The following GLI4 variants were observed in gnomAD, a reference collection of about 807,000 sequenced individuals.
GLI4 encodes GLI family zinc finger 4, also known as zinc finger protein GLI4.
GLI4 carries 34 observed loss-of-function variants against 30.9 expected under a neutral mutation model. The observed-to-expected ratio is 1.10, with a 90% CI of 0.84 to 1.47. The LOEUF is 1.47. Ranked by LOEUF, GLI4 falls within the 40% of genes most tolerant of loss-of-function variation. GLI4 has a pLI of 0.00. For synonymous variants in GLI4, 277 were observed against 236.7 expected (o/e 1.17, Z -1.56); for missense variants, 696 against 538.9 (o/e 1.29, Z -2.89).
chr8:143,275,210 C>A, intron 3 of GLI4: 1 of 1,535,462 alleles, frequency 6.5e-7, no homozygotes, highest in South Asian at 1.2e-5. Context: ...CTCCCCTCAG[C>A]CTGGTTGGAG....
chr8:143,271,572 A>T (rs975799214), intron 2 of GLI4, among the ~76,000 whole-genome samples: 1 of 152,166 alleles, frequency 6.6e-6, no homozygotes, highest in Non-Finnish European at 1.5e-5. Context: ...TCAAGACAGG[A>T]CTTGGAGCCG....
chr8:143,268,222 C>T (rs937384275), intron 1 of GLI4: 9 of 384,844 alleles, frequency 2.3e-5, no homozygotes, highest in Admixed American at 1.3e-4. Flanking sequence ...AAGCCGGGCA[C>T]TGGGGTGGCG....
At chr8:143,269,688 C>T (rs758887197) in intron 2 of GLI4, among the ~76,000 whole-genome samples, 168 bp downstream of exon 2, 6 of 152,208 alleles carry the variant, frequency 3.9e-5, no homozygotes, top group African/African-American at 7.2e-5. Context: ...GCCAGGGGCT[C>T]GGCGCGGGTT....
chr8:143,276,440 A>C lies in GLI4; in HGVS notation c.767A>C (p.Gln256Pro), dbSNP rs1286817572. ...RAFSHSSHFT[Q>P]HLRIHNGEKP... ...TTCAGCCACAGCTCGCACTTCACGCAGCACCTGCGCATCCACAACGGCGAG... is the reference window on the plus strand; with the variant it reads ...TTCAGCCACAGCTCGCACTTCACGCCGCACCTGCGCATCCACAACGGCGAG... The change falls in exon 4 of 4, where the codon CAG becomes CCG. Residue 256 changes from glutamine to proline, a missense_variant. Gln to Pro is a moderately conservative substitution (Grantham distance 76). Transcript: ENST00000340042. 1 of 1,612,210 alleles carries C rather than the reference A, an allele frequency of 6.2e-7. No individual in the cohort carries two copies. The highest frequency in any genetic ancestry group is 1.1e-5 in the South Asian group (1 of 91,028).
Position 143,276,764 on chromosome 8 carries a change from C to A in GLI4, c.1091C>A (p.Ser364Tyr). 1 of 1,599,730 alleles carries A rather than the reference C, an allele frequency of 6.3e-7. No individual in the cohort carries two copies. The highest frequency in any genetic ancestry group is 8.5e-7 in the Non-Finnish European group (1 of 1,173,872). The change falls in exon 4 of 4, where the codon TCC becomes TAC. Residue 364 changes from serine (S) to tyrosine (Y), a missense_variant. Ser to Tyr is a moderately radical substitution (Grantham distance 144). Coordinates refer to ENST00000340042, the MANE Select transcript of GLI4 (RefSeq NM_138465.4). ...TGCGGCAAGGCCTTCGGCCAGAGCT[C>A]CCAGCTCATCCAGCACCAGCGGGTG... is the stretch of plus-strand genomic sequence containing the variant. Reference protein sequence around the residue: ...GACGKAFGQSSQLIQHQRVHY... With the variant: ...GACGKAFGQSYQLIQHQRVHY...
intron 3 of GLI4, 107 bp downstream of exon 3, chr8:143,274,909 T>C: frequency 2.0e-6 from 3 of 1,482,798 alleles, no homozygotes; most frequent in Non-Finnish European, 2.7e-6. Flanking sequence ...ACCCCCTTCC[T>C]GGGGCCCCTT....
In GLI4 at chr8:143,276,544, G is replaced by T. The variant is rs776047807; in HGVS notation, c.871G>T (p.Gly291Cys). ...NLVRHQRLHT[G>C]EKPYACSQCG... ...GGTGCGCCACCAGCGGCTGCACACG[G>T]GTGAGAAGCCCTACGCCTGCAGCCA... The change falls in exon 4 of 4, where the codon GGT becomes TGT. Residue 291 changes from glycine (G) to cysteine (C), a missense_variant. Physicochemically the swap from Gly to Cys is radical, Grantham distance 159 (BLOSUM62 -3). Coordinates refer to ENST00000340042, the MANE Select transcript of GLI4 (RefSeq NM_138465.4). 1 of 1,612,520 alleles carries T rather than the reference G, an allele frequency of 6.2e-7. No individual in the cohort carries two copies. Among genetic ancestry groups the T allele is most frequent in the Non-Finnish European group, 8.5e-7 (1 of 1,179,760 alleles).
chr8:143,275,967 G>A lies in GLI4; in HGVS notation c.294G>A (p.Gly98=). The A allele has an allele frequency of 7.5e-7, 1 of 1,335,940 alleles. No individual in the cohort carries two copies. Among genetic ancestry groups the A allele is most frequent in the Non-Finnish European group, 9.6e-7 (1 of 1,043,382 alleles). The allele number at this position is 1,335,940 out of a possible 1,614,324, so 82.8% of individuals were successfully genotyped here. Residue 98 remains glycine, a synonymous_variant, in exon 4 of 4, where the codon GGG becomes GGA. Coordinates refer to ENST00000340042, the MANE Select transcript of GLI4 (RefSeq NM_138465.4). ...GSQAPDEGAG[G]ALRSLLRSLP... ...AGGCCCCTGACGAGGGGGCGGGCGG[G>A]GCGCTGCGCAGCCTCCTGAGGAGCC...
chr8:143,274,567 C>G (rs75144785), intron 2 of GLI4, 137 bp from the exon 3 acceptor site: 1 of 757,440 alleles, frequency 1.3e-6, no homozygotes, highest in African/African-American at 1.8e-5. Context: ...GCCCAAGCAG[C>G]GGGCCTGCTG....
chr8:143,275,108 T>C (rs1201693943), intron 3 of GLI4: 8 of 1,535,682 alleles, frequency 5.2e-6, no homozygotes, highest in Middle Eastern at 1.7e-4. Context: ...TCCACCTGCC[T>C]TGGGCTGGGG....
rs1166414961 is a variant in GLI4, at chr8:143,269,459, A to G, written c.63A>G (p.Ser21=). The G allele has an allele frequency of 1.2e-6, 2 of 1,611,528 alleles. No homozygotes were observed. The highest frequency in any genetic ancestry group is 2.2e-5 in the South Asian group (2 of 91,016). Reference sequence around the variant, plus strand: ...TCCCGTCCCCTGTCAGTCTCTCATCACCGGGGACACCTGGAACCCAGCACC... The same window carrying G: ...TCCCGTCCCCTGTCAGTCTCTCATCGCCGGGGACACCTGGAACCCAGCACC... ...PSVPSPVSLS[S]PGTPGTQHHE... The change falls in exon 2 of 4, where the codon TCA becomes TCG. Residue 21 remains serine (S), a synonymous_variant. Transcript: ENST00000340042.
At chr8:143,271,683 G>T (rs116173909) in intron 2 of GLI4, among the ~76,000 whole-genome samples, 148 of 152,316 alleles carry the variant, frequency 9.7e-4, no homozygotes, top group African/African-American at 3.3e-3. Context: ...TCTGGTGGGT[G>T]CGTTGCTGGG....
rs970499626 is a variant in GLI4 at position 143,267,495 on chromosome 8, G to A, written c.-38+11G>A. ...CCTCCCGCTCGGAAGGTGAGTGGGCGCGGGCGGCGGCGGCGGCTCCGGGTG... is the reference window on the plus strand; with the variant it reads ...CCTCCCGCTCGGAAGGTGAGTGGGCACGGGCGGCGGCGGCGGCTCCGGGTG... On this transcript the variant is annotated intron_variant, in intron 1 of 3. Coordinates refer to ENST00000340042, the MANE Select transcript of GLI4 (RefSeq NM_138465.4). The A allele has an allele frequency of 8.6e-5, 85 of 986,206 alleles. No individual in the cohort carries two copies. Among genetic ancestry groups the A allele is most frequent in the Non-Finnish European group, 9.9e-5 (82 of 830,564 alleles). The allele number at this position is 986,206 out of a possible 1,614,324, so 61.1% of individuals were successfully genotyped here. A position where few individuals can be genotyped will look rare whatever the true frequency, so the allele number is the denominator to read the frequency against.
chr8:143,272,347 C>CG (rs1815290103), intron 2 of GLI4: 1 of 152,350 alleles, frequency 6.6e-6, no homozygotes, highest in Admixed American at 6.5e-5. Context: ...GGTCCAGGCC[C>CG]GGGCACACAG....
intron 3 of GLI4, chr8:143,275,684 C>T: frequency 1.6e-6 from 2 of 1,241,434 alleles, no homozygotes; most frequent in Non-Finnish European, 2.0e-6. Flanking sequence ...CTGGGTCACC[C>T]TGCAACGCCC....
intron 2 of GLI4, chr8:143,273,520 G>C: frequency 6.6e-6 from 1 of 152,322 alleles, no homozygotes; most frequent in East Asian, 1.9e-4. Context: ...GTGAGTGGCT[G>C]GCTGGACTGG....
Position 143,274,764 on chromosome 8 carries a change from T to C in GLI4, c.185T>C (p.Val62Ala), listed in dbSNP as rs1248015794. Reference sequence around the variant, plus strand: ...CCGTCCGACCTGGATCTCCAAGACGTAGAGGAAGTGGAGATCGGCAGAGAC... The same window carrying C: ...CCGTCCGACCTGGATCTCCAAGACGCAGAGGAAGTGGAGATCGGCAGAGAC... ...SQPSDLDLQDVEEVEIGRDTF... is the reference protein window; with the variant it reads ...SQPSDLDLQDAEEVEIGRDTF... Residue 62 changes from valine (V) to alanine (A), a missense_variant, in exon 3 of 4, where the codon GTA becomes GCA. Val to Ala is a moderately conservative substitution (Grantham distance 64, BLOSUM62 0). Coordinates refer to ENST00000340042, the MANE Select transcript of GLI4 (RefSeq NM_138465.4). 4 of 1,571,494 alleles carry C rather than the reference T, an allele frequency of 2.5e-6. No individual in the cohort carries two copies. Among genetic ancestry groups the C allele is most frequent in the Non-Finnish European group, 2.6e-6 (3 of 1,156,382 alleles).
At chr8:143,269,550 A>C (rs1586725721) in intron 2 of GLI4, 30 bp downstream of exon 2, 1 of 1,591,324 alleles carries the variant, frequency 6.3e-7, no homozygotes. Flanking sequence ...TGCGCCCTCC[A>C]CCCTGCATCC....
Position 143,274,702 on chromosome 8 carries a change from A to AGGCTCCCCT in GLI4, c.130_138dup. The AGGCTCCCCT allele has an allele frequency of 6.4e-7, 1 of 1,551,224 alleles. No individual in the cohort carries two copies. The highest frequency in any genetic ancestry group is 1.4e-5 in the African/African-American group (1 of 73,178). ...GTGAGCCCCAGCCTCCCTGACCCCC[A>AGGCTCCCCT]GGCTCCCCTGGCTCCAGCCCTAAGG... is the stretch of plus-strand genomic sequence containing the variant. On this transcript the variant is annotated splice_acceptor_variant, in intron 2 of 3. Transcript: ENST00000340042. LOFTEE classifies it high-confidence loss of function.
Sources: gnomAD v4.1 joint callset for allele counts (sites outside exome capture counted in the v4.1 genomes callset) on GRCh38, gnomAD v4.1.1 for gene constraint, MANE v1.5 for transcripts, NCBI Gene and HGNC (gene_info 2026-07-23, HGNC 2026-07-21) for gene names.